The following ADGRL2 variants were observed in gnomAD, a reference collection of about 807,000 sequenced individuals.
The protein encoded by ADGRL2 is adhesion G protein-coupled receptor L2.
In ADGRL2, 44 loss-of-function variants were observed where a neutral mutation model predicts 157.4. That is an observed-to-expected ratio of 0.28 (90% CI 0.22 to 0.36). The LOEUF (loss-of-function observed/expected upper bound fraction) is 0.36, where lower values mean the gene tolerates loss of function less well. ADGRL2 is among the 10% of genes least tolerant of loss of function. The pLI, the probability that ADGRL2 is intolerant of heterozygous loss-of-function variation, is 1.00. For synonymous variants in ADGRL2, 585 were observed against 624.7 expected, an observed-to-expected ratio of 0.94 and a Z score of 0.95; for missense variants, 1,510 against 1,768.9, an observed-to-expected ratio of 0.85 and a Z score of 2.63.
At chr1:81,521,115 C>G (rs1485828803) in intron 2 of ADGRL2, among the ~76,000 whole-genome samples, 1 of 152,160 alleles carries the variant, frequency 6.6e-6, no homozygotes, top group Non-Finnish European at 1.5e-5. Context: ...GTCATGTACT[C>G]AGCTAAAAAT....
intron 3 of ADGRL2, among the ~76,000 whole-genome samples, chr1:81,591,123 G>C (rs2148588474): frequency 6.6e-6 from 1 of 152,236 alleles, no homozygotes; most frequent in South Asian, 2.1e-4. Context: ...GCAGATCTGA[G>C]GATTGTCTTA....
At chr1:81,947,274 G>T (rs1367030479) in intron 6 of ADGRL2, among the ~76,000 whole-genome samples, 3 of 152,096 alleles carry the variant, frequency 2.0e-5, no homozygotes, top group Admixed American at 2.0e-4. Flanking sequence ...ACTTCTCATT[G>T]TTTGTTATTC....
At chr1:81,665,933 G>A (rs2082742141) in intron 3 of ADGRL2, among the ~76,000 whole-genome samples, 1 of 152,106 alleles carries the variant, frequency 6.6e-6, no homozygotes, top group South Asian at 2.1e-4. Context: ...TCGTGAATGA[G>A]CTCAGCTGTT....
At chr1:81,347,450 T>C (rs920483203) in intron 1 of ADGRL2, among the ~76,000 whole-genome samples, 4 of 152,102 alleles carry the variant, frequency 2.6e-5, no homozygotes, top group Non-Finnish European at 4.4e-5. Flanking sequence ...GGACAGTTTA[T>C]TGGAAACCAG....
chr1:81,901,526 C>T (rs189058124), intron 2 of ADGRL2, among the ~76,000 whole-genome samples: 11 of 151,614 alleles, frequency 7.3e-5, no homozygotes, highest in African/African-American at 2.7e-4. Context: ...CTGATGTAAC[C>T]ATATTTGGGA....
chr1:81,316,300 T>C (rs1660106035), intron 1 of ADGRL2, among the ~76,000 whole-genome samples: 1 of 152,180 alleles, frequency 6.6e-6, no homozygotes, highest in Non-Finnish European at 1.5e-5. Context: ...GGATCAATTT[T>C]ACATTATTTT....
chr1:81,631,298 C>A (rs1244235374), intron 3 of ADGRL2, among the ~76,000 whole-genome samples: 1 of 151,930 alleles, frequency 6.6e-6, no homozygotes, highest in African/African-American at 2.4e-5. Context: ...CTCATTGCAA[C>A]CTCTGCCTCC....
chr1:81,555,740 G>A (rs2080259853), intron 2 of ADGRL2, among the ~76,000 whole-genome samples: 1 of 152,246 alleles, frequency 6.6e-6, no homozygotes, highest in East Asian at 1.9e-4. Context: ...CGACACCCCA[G>A]TCTCTTGGAA....
At chr1:81,640,771 C>G (rs1453819869) in intron 3 of ADGRL2, among the ~76,000 whole-genome samples, 1 of 152,016 alleles carries the variant, frequency 6.6e-6, no homozygotes, top group African/African-American at 2.4e-5. Flanking sequence ...TCCACATTAC[C>G]AGACCTAAAC....
chr1:81,795,821 A>C (rs1277407688), upstream of ADGRL2, among the ~76,000 whole-genome samples: 1 of 152,224 alleles, frequency 6.6e-6, no homozygotes, highest in Admixed American at 6.5e-5. Flanking sequence ...GCAATACATG[A>C]TACTTTATCA....
intron 3 of ADGRL2, among the ~76,000 whole-genome samples, chr1:81,611,900 G>A (rs550052990): frequency 1.3e-5 from 2 of 152,058 alleles, no homozygotes; most frequent in African/African-American, 4.8e-5. Context: ...GAGTTCTCAC[G>A]AGATCTGGTG....
chr1:81,981,192 C>A (rs774034289), intron 18 of ADGRL2: 1 of 315,332 alleles, frequency 3.2e-6, no homozygotes, highest in South Asian at 3.0e-5. Context: ...GACTTTAAAT[C>A]CTTCTCATTC....
chr1:81,926,376 A>G (rs1164355443), intron 3 of ADGRL2, among the ~76,000 whole-genome samples: 1 of 152,012 alleles, frequency 6.6e-6, no homozygotes, highest in Admixed American at 6.6e-5. Flanking sequence ...ATAGGAAGGA[A>G]AAACATCACA....
chr1:81,915,822 T>G (rs1299566585), intron 3 of ADGRL2, among the ~76,000 whole-genome samples: 1 of 152,212 alleles, frequency 6.6e-6, no homozygotes, highest in African/African-American at 2.4e-5. Context: ...ACATTTCATT[T>G]GACCTCTGCA....
At chr1:81,597,718 A>G (rs963159418) in intron 3 of ADGRL2, among the ~76,000 whole-genome samples, 5 of 152,212 alleles carry the variant, frequency 3.3e-5, no homozygotes, top group Non-Finnish European at 7.3e-5. Context: ...TGAAAATATT[A>G]TAAGTCAGAA....
chr1:81,963,609 T>G (rs2149250621), intron 11 of ADGRL2, among the ~76,000 whole-genome samples: 1 of 152,038 alleles, frequency 6.6e-6, no homozygotes, highest in South Asian at 2.1e-4. Context: ...TTTTTTTACA[T>G]TAAGTGGATG....
At chr1:81,923,175 A>C (rs1032761114) in intron 3 of ADGRL2, among the ~76,000 whole-genome samples, 1 of 152,206 alleles carries the variant, frequency 6.6e-6, no homozygotes, top group African/African-American at 2.4e-5. Context: ...TTCAATAGAA[A>C]AGGATTTGCA....
At chr1:81,781,568 G>C (rs1387643903) in intron 2 of ADGRL2, among the ~76,000 whole-genome samples, 1 of 152,112 alleles carries the variant, frequency 6.6e-6, no homozygotes, top group African/African-American at 2.4e-5. Flanking sequence ...CTCTACATCA[G>C]AATTTCCTTG....
intron 2 of ADGRL2, among the ~76,000 whole-genome samples, chr1:81,500,378 T>C (rs1044292455): frequency 6.6e-6 from 1 of 152,188 alleles, no homozygotes; most frequent in Admixed American, 6.6e-5. Context: ...TTATTCATAA[T>C]AGTCAAAAGG....
Sources: gnomAD v4.1 joint callset for allele counts (sites outside exome capture counted in the v4.1 genomes callset) on GRCh38, gnomAD v4.1.1 for gene constraint, MANE v1.5 for transcripts, NCBI Gene and HGNC (gene_info 2026-07-23, HGNC 2026-07-21) for gene names.